The following CEP83 variants were observed in gnomAD, a reference collection of about 807,000 sequenced individuals.
CEP83 encodes the protein centrosomal protein 83, also known as centrosomal protein of 83 kDa.
Under a neutral mutation model 101.9 loss-of-function variants are expected in CEP83, and 70 were observed. The observed-to-expected ratio is 0.69, with a 90% CI of 0.57 to 0.84. The LOEUF (loss-of-function observed/expected upper bound fraction) is 0.84. Among genes scored for constraint, CEP83 ranks in the 40% least tolerant of loss-of-function variants. The probability of loss-of-function intolerance (pLI) is 0.00; values close to 1 mark genes in which losing one functional copy is unlikely to be tolerated. For missense variants in CEP83, 715 were observed against 787.2 expected, an observed-to-expected ratio of 0.91 and a Z score of 1.10; for synonymous variants, 264 against 267.9, an observed-to-expected ratio of 0.99 and a Z score of 0.14.
chr12:94,367,308 C>A (rs895905876), intron 11 of CEP83, among the ~76,000 whole-genome samples: 1 of 152,034 alleles, frequency 6.6e-6, no homozygotes, highest in Non-Finnish European at 1.5e-5. Context: ...ACCAAGTGAT[C>A]AAGGTTAAAA....
chr12:94,331,289 G>GAAAAAAAAAAAAAAAAAA (rs568464808), intron 14 of CEP83, among the ~76,000 whole-genome samples: 1 of 43,806 alleles, frequency 2.3e-5, no homozygotes, highest in East Asian at 1.0e-3. Context: ...CAGACTCTCA[G>GAAAAAAAAAAAAAAAAAA]AAAAAAAAAA....
intron 16 of CEP83, 58 bp from the exon 17 acceptor site, chr12:94,308,975 G>A: frequency 8.3e-7 from 1 of 1,209,092 alleles, no homozygotes; most frequent in East Asian, 2.3e-5. Context: ...CTGTTAGGTA[G>A]CAACCTTGGA....
chr12:94,325,767 G>A (rs2058949348), intron 14 of CEP83, among the ~76,000 whole-genome samples: 1 of 152,140 alleles, frequency 6.6e-6, no homozygotes, highest in Non-Finnish European at 1.5e-5. Flanking sequence ...GCATCATAAA[G>A]GAAGAATTCA....
chr12:94,433,695 A>G (rs977731927), intron 2 of CEP83, among the ~76,000 whole-genome samples: 1 of 151,528 alleles, frequency 6.6e-6, no homozygotes, highest in African/African-American at 2.4e-5. Context: ...AAAAAAAAAG[A>G]AAAGAAAAGA....
the CEP83 span, among the ~76,000 whole-genome samples, chr12:94,283,699 G>C: frequency 2.0e-5 from 3 of 152,300 alleles, no homozygotes; most frequent in South Asian, 6.2e-4. Flanking sequence ...AGTCAAAGCT[G>C]TCTTCTTGCA....
chr12:94,432,772 C>A (rs1412207931), intron 2 of CEP83, among the ~76,000 whole-genome samples: 1 of 152,140 alleles, frequency 6.6e-6, no homozygotes, highest in Non-Finnish European at 1.5e-5. Flanking sequence ...ATGATAAATA[C>A]TCAAGGTGAT....
intron 11 of CEP83, among the ~76,000 whole-genome samples, chr12:94,355,743 C>T (rs1565975100): frequency 6.6e-6 from 1 of 152,218 alleles, no homozygotes; most frequent in Non-Finnish European, 1.5e-5. Context: ...CTGGCCCGCC[C>T]AGGGTGGAAA....
chr12:94,294,257 CT>C, the CEP83 span, among the ~76,000 whole-genome samples: 1 of 152,168 alleles, frequency 6.6e-6, no homozygotes, highest in African/African-American at 2.4e-5. Context: ...CTCCCATGGC[CT>C]CATCAGCCTC....
intron 11 of CEP83, among the ~76,000 whole-genome samples, chr12:94,347,676 GAATA>G (rs1220010047): frequency 6.6e-6 from 1 of 151,960 alleles, no homozygotes; most frequent in Non-Finnish European, 1.5e-5. Context: ...TCCAACAAAA[GAATA>G]AATAAATCAT....
the CEP83 span, among the ~76,000 whole-genome samples, chr12:94,285,099 G>A: frequency 7.1e-6 from 1 of 140,890 alleles, no homozygotes; most frequent in African/African-American, 2.6e-5. Context: ...AGATGAGGGT[G>A]GGGTCAAAGA....
rs746656385 is a variant in CEP83 at position 94,413,713 on chromosome 12, T to C, written c.-101-1122A>G. On this transcript the variant is annotated intron_variant, in intron 2 of 16. Transcript: ENST00000397809. The stretch of plus-strand genomic sequence containing the variant: ...ACTCAGTATTACAAACGTCACTGTT[T>C]ATTTCATCTAGAAATAAAAAATGAT... Among the ~76,000 whole-genome samples the C allele has an allele frequency of 6.3e-4, 96 of 152,252 alleles. 2 individuals are homozygous for C. Among genetic ancestry groups the C allele is most frequent in the Non-Finnish European group, 7.5e-4 (51 of 68,020 alleles).
intron 1 of CEP83, among the ~76,000 whole-genome samples, chr12:94,447,155 T>A (rs904863679): frequency 3.9e-5 from 6 of 152,234 alleles, no homozygotes; most frequent in Non-Finnish European, 7.3e-5. Flanking sequence ...AAGTCGCTGC[T>A]GTGAGACATG....
intron 13 of CEP83, 70 bp downstream of exon 13, chr12:94,333,412 C>A: frequency 1.5e-6 from 2 of 1,323,828 alleles, no homozygotes; most frequent in Non-Finnish European, 2.1e-6. Flanking sequence ...ACATTGGAAT[C>A]ATTACTAAAA....
intron 14 of CEP83, among the ~76,000 whole-genome samples, chr12:94,324,899 A>C (rs554669164): frequency 6.6e-6 from 1 of 152,274 alleles, no homozygotes; most frequent in East Asian, 1.9e-4. Context: ...TCCTACCTTA[A>C]CTGAGAATAA....
chr12:94,290,717 C>A, the CEP83 span, among the ~76,000 whole-genome samples: 1 of 152,216 alleles, frequency 6.6e-6, no homozygotes, highest in Admixed American at 6.5e-5. Context: ...ATTCTGATAA[C>A]CAATGTGCAG....
chr12:94,363,017 C>T (rs1344240995), intron 11 of CEP83, among the ~76,000 whole-genome samples: 1 of 152,160 alleles, frequency 6.6e-6, no homozygotes, highest in Non-Finnish European at 1.5e-5. Flanking sequence ...ATAGTGGTTA[C>T]TAGAGGCTGG....
chr12:94,368,718 T>C (rs1429564709), intron 9 of CEP83: 3 of 152,326 alleles, frequency 2.0e-5, no homozygotes, highest in Non-Finnish European at 4.4e-5. Context: ...TGGCAAATAC[T>C]TTGCAGATGG....
At chr12:94,366,138 G>GT (rs879436118) in intron 11 of CEP83, among the ~76,000 whole-genome samples, 41 of 150,314 alleles carry the variant, frequency 2.7e-4, no homozygotes, top group East Asian at 2.1e-3. Context: ...TTTTGTTTTT[G>GT]TTTTTTTTTG....
At chr12:94,364,097 T>C (rs369922387) in intron 11 of CEP83, among the ~76,000 whole-genome samples, 248 of 151,620 alleles carry the variant, frequency 1.6e-3, no homozygotes, top group Middle Eastern at 3.4e-3. Flanking sequence ...ATTACCAGGG[T>C]TTGGGAGGAT....
Sources: allele counts gnomAD v4.1 joint callset (sites outside exome capture counted in the v4.1 genomes callset), GRCh38; gene constraint gnomAD v4.1.1; transcripts MANE v1.5; gene names NCBI Gene and HGNC (gene_info 2026-07-23, HGNC 2026-07-21).